The following EIF4B variants were observed in gnomAD, a reference collection of about 807,000 sequenced individuals.
EIF4B encodes eukaryotic translation initiation factor 4B.
In EIF4B, 8 loss-of-function variants were observed where a neutral mutation model predicts 79.3. That is an observed-to-expected ratio of 0.10 (90% CI 0.06 to 0.18). EIF4B has a LOEUF of 0.18. Ranked by LOEUF, EIF4B falls within the 10% of genes least tolerant of loss-of-function variation. The pLI, the probability that EIF4B is intolerant of heterozygous loss-of-function variation, is 1.00. For missense variants in EIF4B, 515 were observed against 792.4 expected (o/e 0.65, Z 4.20); for synonymous variants, 238 against 274.7 (o/e 0.87, Z 1.32).
intron 10 of EIF4B, 50 bp downstream of exon 10, chr12:53,034,759 A>C (rs1419106572): frequency 6.3e-7 from 1 of 1,599,556 alleles, no homozygotes; most frequent in South Asian, 1.1e-5. Context: ...TCCATAAACT[A>C]TCCATAACCA....
intron 11 of EIF4B, 77 bp downstream of exon 11, chr12:53,037,699 C>A: frequency 6.6e-7 from 1 of 1,505,658 alleles, no homozygotes; most frequent in Non-Finnish European, 9.2e-7. Flanking sequence ...AGATCTCCTA[C>A]GGGATGCCAG....
intron 3 of EIF4B, among the ~76,000 whole-genome samples, chr12:53,019,437 A>ATATATTTTTTTTTC (rs1943205076): frequency 2.0e-5 from 1 of 51,008 alleles, no homozygotes; most frequent in Admixed American, 3.1e-4. Context: ...ATATATATAT[A>ATATATTTTTTTTTC]TTTTTTTTTT....
intron 1 of EIF4B, among the ~76,000 whole-genome samples, chr12:53,006,752 T>C (rs1201531564): frequency 6.6e-6 from 1 of 151,750 alleles, no homozygotes; most frequent in Non-Finnish European, 1.5e-5. Context: ...AATGGTAGAC[T>C]CTGGCTTGAA....
At position 53,033,972 on chromosome 12, in the gene EIF4B, G is replaced by A. The variant is rs1363351035; in HGVS notation, c.1146G>A (p.Lys382=). 4 of 1,613,896 alleles carry A rather than the reference G, an allele frequency of 2.5e-6. No individual in the cohort carries two copies. The African/African-American group carries it at 4.0e-5, about 16-fold the overall frequency. The change falls in exon 9 of 15, where the codon AAG becomes AAA. Residue 382 remains lysine, a synonymous_variant. Coordinates refer to ENST00000262056, the MANE Select transcript of EIF4B (RefSeq NM_001417.7). ...GAGAAGTAGAAGAACGGCTACAGAA[G>A]GAACAAGAGAAGTTGCAGCGTCAGC... The part of the protein sequence containing the change: ...REREVEERLQ[K]EQEKLQRQLD...
intron 1 of EIF4B, among the ~76,000 whole-genome samples, chr12:53,013,312 G>C (rs1943095775): frequency 6.6e-6 from 1 of 152,146 alleles, no homozygotes; most frequent in Non-Finnish European, 1.5e-5. Context: ...TTAATAATTG[G>C]ATATTAGCTG....
In EIF4B at chr12:53,041,387, T is replaced by C. The variant is rs907019019; in HGVS notation, c.*1164T>C. 32 of 152,212 alleles carry C rather than the reference T, an allele frequency of 2.1e-4. No homozygotes were observed. The highest frequency in any genetic ancestry group is 7.0e-4 in the African/African-American group (29 of 41,440). 9.4% of individuals were successfully genotyped at this position (152,212 alleles called of 1,614,324 possible). A position where few individuals can be genotyped will look rare whatever the true frequency, so the allele number is the denominator to read the frequency against. On this transcript the variant is annotated 3_prime_UTR_variant, in exon 15 of 15. Coordinates refer to ENST00000262056, the MANE Select transcript of EIF4B (RefSeq NM_001417.7). ...ATAAATAGGGACAGGGACAGTTAAA[T>C]TGGGAGCCTTTCTTACAACCTTGAT... is the stretch of plus-strand genomic sequence containing the variant.
chr12:53,027,137 A>ATTTT (rs71095967), intron 6 of EIF4B, among the ~76,000 whole-genome samples: 1 of 25,720 alleles, frequency 3.9e-5, no homozygotes, highest in African/African-American at 8.2e-5. Context: ...AAAAAAAAAA[A>ATTTT]TTTTTTTTTT....
rs767193898 is a variant in EIF4B, at chr12:53,019,944, A to G, written c.395A>G (p.Asn132Ser). ...SAVRLPREPS[N>S]PERLKGFGYA... ...GTGCGTTTACCACGTGAACCCAGCA[A>G]TCCAGAGAGGTTGAAAGGTTTTGGT... is the stretch of plus-strand genomic sequence containing the variant. Residue 132 changes from asparagine (N) to serine (S), a missense_variant, in exon 4 of 15, where the codon AAT becomes AGT. By Grantham distance (46) the Asn-to-Ser change is conservative (BLOSUM62 1). This residue lies in a region of EIF4B where 105 missense variants were observed against 177.2 expected (regional missense o/e 0.59). Coordinates refer to ENST00000262056, the MANE Select transcript of EIF4B (RefSeq NM_001417.7). The G allele has an allele frequency of 1.9e-6, 3 of 1,613,008 alleles. No individual in the cohort carries two copies. The highest frequency in any genetic ancestry group is 2.2e-5 in the East Asian group (1 of 44,840).
intron 1 of EIF4B, 91 bp from the exon 2 acceptor site, chr12:53,016,382 C>T (rs1391194659): frequency 2.0e-6 from 3 of 1,523,560 alleles, no homozygotes; most frequent in Non-Finnish European, 2.7e-6. Context: ...CATGTTATTT[C>T]TTTCTAAATA....
Position 53,039,815 on chromosome 12 carries a change from C to T in EIF4B, c.1755+113C>T, listed in dbSNP as rs976556636. On this transcript the variant is annotated intron_variant, in intron 14 of 14. Coordinates refer to ENST00000262056, the MANE Select transcript of EIF4B (RefSeq NM_001417.7). ...GTATTCTAAACTTTTTGCCGTTGGA[C>T]TTCTTTCCATTTGGAATACAAAGTG... is the stretch of plus-strand genomic sequence containing the variant. The T allele has an allele frequency of 8.4e-6, 10 of 1,184,862 alleles. No homozygotes were observed. In the African/African-American group the frequency reaches 1.5e-4, roughly 18 times the overall value. The allele number at this position is 1,184,862 out of a possible 1,614,324, so 73.4% of individuals were successfully genotyped here.
intron 8 of EIF4B, among the ~76,000 whole-genome samples, chr12:53,028,740 CAG>C (rs1415434915): frequency 6.6e-6 from 1 of 151,592 alleles, no homozygotes; most frequent in African/African-American, 2.4e-5. Flanking sequence ...ACACTTAAAA[CAG>C]ATGGTTTTAG....
intron 4 of EIF4B, 57 bp downstream of exon 4, chr12:53,020,083 T>G (rs1028875946): frequency 2.1e-6 from 3 of 1,417,926 alleles, no homozygotes; most frequent in Admixed American, 2.3e-5. Flanking sequence ...CTCATGTTTA[T>G]TGATCAAACT....
chr12:53,035,662 C>G (rs1943528597), intron 10 of EIF4B, among the ~76,000 whole-genome samples: 1 of 151,860 alleles, frequency 6.6e-6, no homozygotes, highest in African/African-American at 2.4e-5. Flanking sequence ...GCCACCGCAC[C>G]CAGCCTACAC....
intron 1 of EIF4B, among the ~76,000 whole-genome samples, chr12:53,016,265 A>T (rs1383699812): frequency 7.0e-6 from 1 of 142,822 alleles, no homozygotes; most frequent in Non-Finnish European, 1.5e-5. Context: ...CCGTACGTAA[A>T]CATGTGTTTA....
chr12:53,029,364 C>G (rs1943394615), intron 8 of EIF4B, among the ~76,000 whole-genome samples: 1 of 124,390 alleles, frequency 8.0e-6, no homozygotes, highest in African/African-American at 2.7e-5. Context: ...TTTTTCTATC[C>G]TTTTTTTATT....
chr12:53,030,671 A>G (rs1943426630), intron 8 of EIF4B, among the ~76,000 whole-genome samples: 2 of 151,782 alleles, frequency 1.3e-5, no homozygotes, highest in African/African-American at 2.4e-5. Flanking sequence ...CGGCCTCCCA[A>G]AGTGCTGGGA....
chr12:53,013,487 A>G (rs908086847), intron 1 of EIF4B: 1 of 152,218 alleles, frequency 6.6e-6, no homozygotes, highest in Non-Finnish European at 1.5e-5. Context: ...AAAATCTCCC[A>G]TAGATCTTTG....
At chr12:53,039,570 CAT>C (rs146084384) in intron 13 of EIF4B, 58 bp from the exon 14 acceptor site, 46,735 of 1,589,250 alleles carry the variant, frequency 0.029, 900 homozygotes, top group Non-Finnish European at 0.032. Context: ...CATGCATACA[CAT>C]GTTTGTATTA....
At chr12:53,017,278 A>T (rs1171213285) in intron 2 of EIF4B, among the ~76,000 whole-genome samples, 1 of 151,376 alleles carries the variant, frequency 6.6e-6, no homozygotes, top group East Asian at 1.9e-4. Context: ...GTGATGTTTC[A>T]GTGTAATCTG....
Sources: gnomAD v4.1 joint callset for allele counts (sites outside exome capture counted in the v4.1 genomes callset) on GRCh38, gnomAD v4.1.1 for gene constraint, gnomAD v4.1.1 regional missense constraint, MANE v1.5 for transcripts, NCBI Gene and HGNC (gene_info 2026-07-23, HGNC 2026-07-21) for gene names.